The following ERC1 variants were observed in gnomAD, a reference collection of about 807,000 sequenced individuals.
ERC1 encodes RAB6 interacting protein 2.
A neutral mutation model predicts 132.0 loss-of-function variants in ERC1; 56 were observed. That is an observed-to-expected ratio of 0.42 (90% CI 0.34 to 0.53). The LOEUF is 0.53. ERC1 is among the 20% of genes least tolerant of loss of function. The pLI is 0.03. For synonymous variants in ERC1, 478 were observed against 476.1 expected, an observed-to-expected ratio of 1.00 and a Z score of -0.05; for missense variants, 1,202 against 1,349.9, an observed-to-expected ratio of 0.89 and a Z score of 1.72.
chr12:1,480,737 G>A (rs1004686639), intron 18 of ERC1: 1 of 674,952 alleles, frequency 1.5e-6, no homozygotes, highest in South Asian at 1.6e-5. Flanking sequence ...TGTGGGAGGG[G>A]GTGTGGGTAG....
At chr12:1,465,157 T>G (rs1269184061) in intron 18 of ERC1, among the ~76,000 whole-genome samples, 2 of 152,132 alleles carry the variant, frequency 1.3e-5, no homozygotes, top group Admixed American at 1.3e-4. Context: ...AGTGTCATCT[T>G]CCAGAGATGA....
intron 9 of ERC1, among the ~76,000 whole-genome samples, chr12:1,181,234 T>G (rs1167830705): frequency 6.6e-6 from 1 of 152,194 alleles, no homozygotes; most frequent in Admixed American, 6.5e-5. Context: ...CATTCCCCCC[T>G]TTTTTGGTGT....
At chr12:1,453,007 G>A (rs964654734) in intron 18 of ERC1, among the ~76,000 whole-genome samples, 3 of 152,078 alleles carry the variant, frequency 2.0e-5, no homozygotes, top group African/African-American at 7.2e-5. Flanking sequence ...TTCTCTCTCA[G>A]CTTTCAGCAT....
intron 3 of ERC1, among the ~76,000 whole-genome samples, chr12:1,102,705 C>T (rs1033250209): frequency 1.3e-5 from 2 of 152,036 alleles, no homozygotes; most frequent in African/African-American, 4.8e-5. Flanking sequence ...TTTTGTGGAG[C>T]GTACATTCTC....
intron 2 of ERC1, among the ~76,000 whole-genome samples, chr12:1,063,638 T>C: frequency 6.6e-6 from 1 of 151,694 alleles, no homozygotes; most frequent in South Asian, 2.1e-4. Context: ...AGTCTTTTTT[T>C]AAAAAAAAAT....
intron 16 of ERC1, among the ~76,000 whole-genome samples, chr12:1,376,769 A>G (rs1325628322): frequency 6.6e-6 from 1 of 152,188 alleles, no homozygotes; most frequent in Non-Finnish European, 1.5e-5. Flanking sequence ...TGTTTTTATG[A>G]TACTCATTTG....
intron 1 of ERC1, among the ~76,000 whole-genome samples, chr12:1,025,659 A>G (rs1056324963): frequency 3.3e-5 from 5 of 152,212 alleles, no homozygotes; most frequent in African/African-American, 1.2e-4. Flanking sequence ...GAAGACGAGT[A>G]TACGTTATGT....
At chr12:1,130,942 C>T in intron 7 of ERC1, among the ~76,000 whole-genome samples, 1 of 152,074 alleles carries the variant, frequency 6.6e-6, no homozygotes, top group Non-Finnish European at 1.5e-5. Flanking sequence ...TGATTTTTCT[C>T]AGCTTTAAAG....
intron 15 of ERC1, among the ~76,000 whole-genome samples, chr12:1,353,800 A>G (rs12099521): frequency 0.052 from 7,919 of 152,280 alleles, 278 homozygotes; most frequent in African/African-American, 0.1. Flanking sequence ...CCATTGCAAT[A>G]TAGCTTCTGC....
chr12:1,394,039 AAAAAACCACAAAG>A (rs1566757892), intron 16 of ERC1, among the ~76,000 whole-genome samples: 4 of 81,438 alleles, frequency 4.9e-5, no homozygotes, highest in Non-Finnish European at 8.6e-5. Context: ...AAAAACAAAA[AAAAAACCACAAAG>A]CATTAAGCAA....
intron 18 of ERC1, among the ~76,000 whole-genome samples, chr12:1,483,439 C>T (rs937706413): frequency 6.6e-5 from 10 of 152,048 alleles, no homozygotes; most frequent in Non-Finnish European, 8.8e-5. Context: ...TTTTATTGGC[C>T]AGTTGGTTAA....
At chr12:1,199,676 G>C (rs987919891) in intron 12 of ERC1, among the ~76,000 whole-genome samples, 1 of 151,976 alleles carries the variant, frequency 6.6e-6, no homozygotes, top group Non-Finnish European at 1.5e-5. Context: ...TATTTGGTAG[G>C]CTGAGGCACA....
At position 1,408,146 on chromosome 12, in the gene ERC1, T is replaced by C. The variant is rs374985823; in HGVS notation, c.2926-3T>C. On this transcript the variant is annotated splice_polypyrimidine_tract_variant and splice_region_variant and intron_variant, in intron 16 of 18. Coordinates refer to ENST00000360905, the MANE Select transcript of ERC1 (RefSeq NM_178040.4). Reference sequence around the variant, plus strand: ...TTTAACCTTATGAATAATTTCTTCCTAGACGCAAAATCGAATGAAGCTAAT... The same window carrying C: ...TTTAACCTTATGAATAATTTCTTCCCAGACGCAAAATCGAATGAAGCTAAT... The C allele has an allele frequency of 7.4e-6, 12 of 1,610,996 alleles. No individual in the cohort carries two copies. Among genetic ancestry groups the C allele is most frequent in the Non-Finnish European group, 1.0e-5 (12 of 1,177,288 alleles).
rs1452003898 is a variant in ERC1 at position 1,083,013 on chromosome 12, A to AT, written c.670-145dup. On this transcript the variant is annotated intron_variant, in intron 2 of 18. Transcript: ENST00000360905. ...TGACATTTTGCATATTATCTCAATC[A>AT]TTTTTTAAGGACCTGTAAAACAGAA... is the stretch of plus-strand genomic sequence containing the variant. The AT allele has an allele frequency of 2.5e-5, 16 of 645,370 alleles. No homozygotes were observed. In the East Asian group the frequency reaches 4.3e-4, roughly 17 times the overall value. 40.0% of individuals were successfully genotyped at this position (645,370 alleles called of 1,614,324 possible). A position where few individuals can be genotyped will look rare whatever the true frequency, so the allele number is the denominator to read the frequency against.
chr12:1,440,414 G>T (rs182842422), intron 17 of ERC1, among the ~76,000 whole-genome samples: 8 of 149,966 alleles, frequency 5.3e-5, no homozygotes, highest in Admixed American at 2.7e-4. Context: ...CACCGTGTTA[G>T]CCAGGATGGT....
chr12:1,165,631 C>T (rs540100536), intron 8 of ERC1, among the ~76,000 whole-genome samples: 74 of 152,156 alleles, frequency 4.9e-4, no homozygotes, highest in Middle Eastern at 6.8e-3. Context: ...CCGCGCCTGG[C>T]GAGAATTTTT....
chr12:1,009,524 C>T (rs1269789498), intron 1 of ERC1, among the ~76,000 whole-genome samples: 1 of 152,152 alleles, frequency 6.6e-6, no homozygotes, highest in Admixed American at 6.5e-5. Flanking sequence ...GGGCAACTTA[C>T]TGGGCCTAAT....
chr12:1,315,406 A>G (rs2081613196), intron 15 of ERC1, among the ~76,000 whole-genome samples: 1 of 151,962 alleles, frequency 6.6e-6, no homozygotes, highest in African/African-American at 2.4e-5. Flanking sequence ...GCTAGAGTGC[A>G]GTGGTGTGAT....
chr12:1,145,352 A>G (rs921970312), intron 8 of ERC1, among the ~76,000 whole-genome samples: 5 of 149,756 alleles, frequency 3.3e-5, no homozygotes, highest in African/African-American at 1.2e-4. Flanking sequence ...GGCCATTTGT[A>G]TATCTTCTTT....
Sources: gnomAD v4.1 joint callset for allele counts (sites outside exome capture counted in the v4.1 genomes callset) on GRCh38, gnomAD v4.1.1 for gene constraint, MANE v1.5 for transcripts, NCBI Gene and HGNC (gene_info 2026-07-23, HGNC 2026-07-21) for gene names.